ZFP64: variants seen among roughly 807,000 people sequenced by gnomAD.
The protein encoded by ZFP64 is zinc finger protein 64.
Under a neutral mutation model 51.6 loss-of-function variants are expected in ZFP64, and 14 were observed. The ratio of observed to expected loss-of-function variants is 0.27; its 90% CI spans 0.18 to 0.42. The LOEUF is 0.42. ZFP64 is among the 10% of genes least tolerant of loss of function. The pLI is 1.00. For synonymous variants in ZFP64, 375 were observed against 361.4 expected (o/e 1.04, Z -0.43); for missense variants, 754 against 906.8 (o/e 0.83, Z 2.16).
At chr20:52,114,198 A>G (rs1978747371) in intron 5 of ZFP64, among the ~76,000 whole-genome samples, 1 of 152,222 alleles carries the variant, frequency 6.6e-6, no homozygotes, top group Non-Finnish European at 1.5e-5. Context: ...GTTCAAGTAA[A>G]CGGAAACACT....
chr20:52,105,173 C>A (rs896093934), intron 5 of ZFP64: 7 of 1,438,944 alleles, frequency 4.9e-6, no homozygotes, highest in Non-Finnish European at 4.5e-6. Context: ...CGCACACTCC[C>A]GGCGCGCAGG....
intron 5 of ZFP64, among the ~76,000 whole-genome samples, chr20:52,125,889 T>G (rs920770252): frequency 6.8e-6 from 1 of 146,488 alleles, no homozygotes; most frequent in Admixed American, 6.8e-5. Flanking sequence ...TGGTTTTTTG[T>G]TTTTTTTTTT....
intron 5 of ZFP64, chr20:52,104,821 G>A (rs1250506495): frequency 3.2e-6 from 2 of 616,638 alleles, no homozygotes; most frequent in Admixed American, 4.0e-5. Context: ...GGGTGCCCGC[G>A]CATCCCGAAA....
intron 2 of ZFP64, among the ~76,000 whole-genome samples, chr20:52,181,362 G>A (rs904187616): frequency 5.9e-5 from 9 of 152,268 alleles, no homozygotes; most frequent in South Asian, 2.1e-4. Context: ...TCCAAAGCCC[G>A]GTGATTTGAA....
chr20:52,179,724 A>G (rs1983482807), intron 2 of ZFP64, among the ~76,000 whole-genome samples: 1 of 152,184 alleles, frequency 6.6e-6, no homozygotes, highest in Non-Finnish European at 1.5e-5. Flanking sequence ...TAAGTTTATT[A>G]CTCATTGCAA....
intron 5 of ZFP64, among the ~76,000 whole-genome samples, chr20:52,119,965 C>G (rs1415842729): frequency 6.6e-6 from 1 of 152,018 alleles, no homozygotes; most frequent in Non-Finnish European, 1.5e-5. Context: ...TTGTGCCTCC[C>G]CACAATTCAT....
chr20:52,157,830 C>A (rs996108612), intron 5 of ZFP64, among the ~76,000 whole-genome samples: 8 of 152,132 alleles, frequency 5.3e-5, no homozygotes, highest in African/African-American at 1.9e-4. Context: ...GCCTCCCACC[C>A]CTTGACAGGC....
intron 2 of ZFP64, among the ~76,000 whole-genome samples, chr20:52,180,547 C>CAAAAAAAAAAAAAAAAA: frequency 1.1e-5 from 1 of 87,208 alleles, no homozygotes; most frequent in Non-Finnish European, 2.1e-5. Flanking sequence ...CCAGAAATGG[C>CAAAAAAAAAAAAAAAAA]AAAAAAAAAA....
intron 5 of ZFP64, among the ~76,000 whole-genome samples, chr20:52,129,080 A>ATTTTT (rs529069931): frequency 7.5e-6 from 1 of 132,718 alleles, no homozygotes; most frequent in Non-Finnish European, 1.6e-5. Flanking sequence ...CTCCTGGCTA[A>ATTTTT]TTTTTTTTTT....
At chr20:52,166,199 C>G (rs538454720) in intron 2 of ZFP64, among the ~76,000 whole-genome samples, 174 bp from the exon 3 acceptor site, 8 of 142,366 alleles carry the variant, frequency 5.6e-5, no homozygotes, top group Non-Finnish European at 1.1e-4. Flanking sequence ...AGAGAGCATC[C>G]GCTGGGAGAC....
chr20:52,105,418 C>T (rs1978306533), intron 5 of ZFP64: 1 of 1,213,106 alleles, frequency 8.2e-7, no homozygotes, highest in Non-Finnish European at 1.0e-6. Context: ...AGCCAAGACC[C>T]CAGGAGTCCC....
chr20:52,158,149 A>G (rs1214875599), intron 5 of ZFP64, among the ~76,000 whole-genome samples: 1 of 152,128 alleles, frequency 6.6e-6, no homozygotes, highest in Non-Finnish European at 1.5e-5. Flanking sequence ...TGTGTCTTAC[A>G]CTACTTTCAA....
At chr20:52,100,528 G>A (rs1276999646) in intron 5 of ZFP64, among the ~76,000 whole-genome samples, 2 of 152,152 alleles carry the variant, frequency 1.3e-5, no homozygotes, top group Non-Finnish European at 2.9e-5. Context: ...CTATAGCCAC[G>A]AGCCACTGTG....
chr20:52,170,066 T>C lies in ZFP64; in HGVS notation c.287-4041A>G, dbSNP rs368109434. Among the ~76,000 whole-genome samples the C allele has an allele frequency of 5.3e-5, 8 of 150,652 alleles. No individual in the cohort carries two copies. The East Asian group carries it at 5.9e-4, about 11-fold the overall frequency. On this transcript the variant is annotated intron_variant, in intron 2 of 5. Transcript: ENST00000216923. ...AAAATTCCGTCTCAAAAAAAAAAAA[T>C]TAATATAGTCCCATTTGTCTGTTTT...
chr20:52,087,335 T>C (rs2078875275), intron 8 of ZFP64, among the ~76,000 whole-genome samples: 2 of 152,218 alleles, frequency 1.3e-5, no homozygotes, highest in East Asian at 1.9e-4. Flanking sequence ...GACTGGCTCT[T>C]ATTCTCAGTT....
chr20:52,138,409 A>C (rs1980087275), intron 5 of ZFP64, among the ~76,000 whole-genome samples: 1 of 152,186 alleles, frequency 6.6e-6, no homozygotes, highest in Admixed American at 6.5e-5. Context: ...TTGTCCTATC[A>C]AAGACAAGGA....
chr20:52,140,906 A>T (rs568073968), intron 5 of ZFP64, among the ~76,000 whole-genome samples: 2 of 152,338 alleles, frequency 1.3e-5, no homozygotes, highest in South Asian at 4.1e-4. Context: ...GGGCTAATGT[A>T]GCTGGTAACT....
chr20:52,098,353 G>T, intron 6 of ZFP64: 1 of 1,555,726 alleles, frequency 6.4e-7, no homozygotes, highest in South Asian at 1.2e-5. Context: ...AGAGTAACAT[G>T]AGCAGGCAGC....
chr20:52,161,535 G>A (rs1981809430), intron 4 of ZFP64, among the ~76,000 whole-genome samples: 1 of 138,370 alleles, frequency 7.2e-6, no homozygotes, highest in Non-Finnish European at 1.5e-5. Flanking sequence ...TCGATCACCT[G>A]TTTCATATCA....
Sources: gnomAD v4.1 joint callset for allele counts (sites outside exome capture counted in the v4.1 genomes callset) on GRCh38, gnomAD v4.1.1 for gene constraint, MANE v1.5 for transcripts, NCBI Gene and HGNC (gene_info 2026-07-23, HGNC 2026-07-21) for gene names.